The following MAPKAPK3 variants were observed in gnomAD, a reference collection of about 807,000 sequenced individuals.
MAPKAPK3 encodes MAP kinase-activated protein kinase 3.
MAPKAPK3 carries 35 observed loss-of-function variants against 49.2 expected under a neutral mutation model. The ratio of observed to expected loss-of-function variants is 0.71; its 90% CI spans 0.54 to 0.94. The LOEUF (loss-of-function observed/expected upper bound fraction) is 0.94. Among genes scored for constraint, MAPKAPK3 ranks in the 40% least tolerant of loss-of-function variants. The pLI is 0.00. For missense variants in MAPKAPK3, 398 were observed against 493.1 expected (o/e 0.81, Z 1.83); for synonymous variants, 178 against 188.7 (o/e 0.94, Z 0.46).
intron 2 of MAPKAPK3, 120 bp from the exon 3 acceptor site, chr3:50,640,246 G>A: frequency 2.1e-6 from 2 of 961,690 alleles, no homozygotes; most frequent in Non-Finnish European, 1.6e-6. Flanking sequence ...TTCTCATTCT[G>A]CTCCTTATAA....
At position 50,640,494 on chromosome 3, in the gene MAPKAPK3, C is replaced by G. The variant is rs1471567769; in HGVS notation, c.348C>G (p.Ile116Met). 1.2e-6 allele frequency: 2 copies of G among 1,611,726 alleles called. No homozygotes were observed. Among genetic ancestry groups the G allele is most frequent in the Admixed American group, 1.7e-5 (1 of 59,922 alleles). The change falls in exon 3 of 11, where the codon ATC becomes ATG. Residue 116 changes from isoleucine to methionine, a missense_variant. Ile to Met is a conservative substitution (Grantham distance 10). Around this residue, in one of 5 missense-constraint regions of MAPKAPK3, gnomAD observed 52 missense variants for 91.9 expected, o/e 0.57. Coordinates refer to ENST00000621469, the MANE Select transcript of MAPKAPK3 (RefSeq NM_001243925.2). ...ACCATGGCAAGCGCTGTCTCCTCAT[C>G]ATCATGGAATGGTATGCTGGCCTGC... ...NMHHGKRCLLIIMECMEGGEL... is the reference protein window; with the variant it reads ...NMHHGKRCLLMIMECMEGGEL...
upstream of MAPKAPK3, among the ~76,000 whole-genome samples, chr3:50,613,221 G>A (rs919110225): frequency 6.6e-6 from 1 of 152,110 alleles, no homozygotes; most frequent in Non-Finnish European, 1.5e-5. Context: ...TGGCCTTGTT[G>A]AAGGGCCTGA....
intron 4 of MAPKAPK3, 146 bp from the exon 5 acceptor site, chr3:50,642,107 C>T: frequency 1.5e-6 from 1 of 660,230 alleles, no homozygotes; most frequent in Non-Finnish European, 2.7e-6. Context: ...CGTAGACATC[C>T]CGGGATAGAG....
At chr3:50,611,760 C>A, upstream of MAPKAPK3, 1 of 1,364,182 alleles carries the variant, frequency 7.3e-7, no homozygotes, top group Non-Finnish European at 9.5e-7. Context: ...GGCGCGCGGG[C>A]GCAGGACAGG....
upstream of MAPKAPK3, among the ~76,000 whole-genome samples, chr3:50,613,576 A>G (rs546589756): frequency 6.6e-6 from 1 of 152,330 alleles, no homozygotes; most frequent in African/African-American, 2.4e-5. Context: ...TCTCATTACT[A>G]TGAAGACAAA....
intron 10 of MAPKAPK3, 112 bp downstream of exon 10, chr3:50,647,315 G>A: frequency 3.7e-6 from 3 of 803,904 alleles, no homozygotes; most frequent in Non-Finnish European, 6.2e-6. Flanking sequence ...TATACCTGGA[G>A]CACAGGGTGT....
intron 7 of MAPKAPK3, 124 bp from the exon 8 acceptor site, chr3:50,646,016 G>A (rs1268911033): frequency 1.5e-6 from 2 of 1,301,078 alleles, no homozygotes; most frequent in African/African-American, 2.9e-5. Context: ...TGGGAGTCCG[G>A]AGGGCTGGTA....
At chr3:50,627,836 G>A (rs755770968) in intron 2 of MAPKAPK3, among the ~76,000 whole-genome samples, 5 of 152,162 alleles carry the variant, frequency 3.3e-5, no homozygotes, top group Non-Finnish European at 7.4e-5. Context: ...GGGGCCAGGG[G>A]CCAAGGGAGA....
intron 2 of MAPKAPK3, among the ~76,000 whole-genome samples, chr3:50,630,527 G>T (rs1208725999): frequency 1.3e-5 from 2 of 152,258 alleles, no homozygotes; most frequent in Non-Finnish European, 1.5e-5. Context: ...TTGTTGAAGG[G>T]CAAGAGCTAA....
upstream of MAPKAPK3, among the ~76,000 whole-genome samples, chr3:50,613,258 T>A (rs1474725322): frequency 6.6e-6 from 1 of 152,170 alleles, no homozygotes; most frequent in Non-Finnish European, 1.5e-5. Flanking sequence ...AAGACAGGGC[T>A]CAGTTTGCTC....
Position 50,647,910 on chromosome 3 carries a change from C to T in MAPKAPK3, c.1013C>T (p.Ala338Val), listed in dbSNP as rs750526292. The T allele has an allele frequency of 6.2e-6, 10 of 1,613,392 alleles. No individual in the cohort carries two copies. Among genetic ancestry groups the T allele is most frequent in the Non-Finnish European group, 8.5e-6 (10 of 1,179,756 alleles). Reference protein sequence around the residue: ...WDEVKEEMTSALATMRVDYDQ... With the variant: ...WDEVKEEMTSVLATMRVDYDQ... ...TGTCCCCAGGAGGAGATGACCAGTG[C>T]CTTGGCCACTATGCGGGTAGACTAC... The change falls in exon 11 of 11, where the codon GCC becomes GTC. Residue 338 changes from alanine to valine, a missense_variant. This residue lies in a region of MAPKAPK3 where 152 missense variants were observed against 177.3 expected (regional missense o/e 0.86). Coordinates refer to ENST00000621469, the MANE Select transcript of MAPKAPK3 (RefSeq NM_001243925.2).
At chr3:50,635,921 A>C (rs1482510837) in intron 2 of MAPKAPK3, among the ~76,000 whole-genome samples, 1 of 36,246 alleles carries the variant, frequency 2.8e-5, no homozygotes, top group Non-Finnish European at 7.9e-5. Flanking sequence ...CGTCTCTACC[A>C]AAAAAAAAAA....
chr3:50,647,268 G>A, intron 10 of MAPKAPK3, 65 bp downstream of exon 10: 2 of 1,385,962 alleles, frequency 1.4e-6, no homozygotes, highest in Non-Finnish European at 2.0e-6. Flanking sequence ...ACTTCAGGGG[G>A]GTGGCTACCC....
intron 2 of MAPKAPK3, among the ~76,000 whole-genome samples, chr3:50,637,127 G>A (rs1335510445): frequency 6.6e-6 from 1 of 152,150 alleles, no homozygotes; most frequent in Non-Finnish European, 1.5e-5. Context: ...GCCCAGGCTG[G>A]AAGGCTCTCC....
chr3:50,617,793 G>A lies in MAPKAPK3; in HGVS notation c.219+9G>A, dbSNP rs2032510361. 6.2e-7 allele frequency: 1 copy of A among 1,610,328 alleles called. No individual in the cohort carries two copies. The highest frequency in any genetic ancestry group is 1.1e-5 in the South Asian group (1 of 90,998). On this transcript the variant is annotated intron_variant, in intron 2 of 10. Coordinates refer to ENST00000621469, the MANE Select transcript of MAPKAPK3 (RefSeq NM_001243925.2). The stretch of plus-strand genomic sequence containing the variant: ...AGAAGTGTGCCCTGAAGGTCAGTGA[G>A]CCCTCACTGAGGCCTGGGGTATCCT...
chr3:50,631,772 C>A (rs761193321), intron 2 of MAPKAPK3, among the ~76,000 whole-genome samples: 12 of 152,204 alleles, frequency 7.9e-5, no homozygotes, highest in Non-Finnish European at 1.6e-4. Context: ...TCACGGCCTG[C>A]CTCTGTAAGA....
chr3:50,644,387 A>G (rs770558091), intron 5 of MAPKAPK3, 22 bp from the exon 6 acceptor site: 11 of 1,613,704 alleles, frequency 6.8e-6, no homozygotes, highest in South Asian at 3.3e-5. Flanking sequence ...CTCCAAACCA[A>G]TGTTTTCTCT....
chr3:50,642,393 C>T (rs1045599807), intron 5 of MAPKAPK3, 61 bp downstream of exon 5: 1 of 1,268,702 alleles, frequency 7.9e-7, no homozygotes, highest in Non-Finnish European at 1.1e-6. Context: ...ACTCCACAAT[C>T]CCTGATGGCA....
chr3:50,643,803 G>T (rs998639041), intron 5 of MAPKAPK3, among the ~76,000 whole-genome samples: 16 of 151,894 alleles, frequency 1.1e-4, no homozygotes, highest in Admixed American at 7.2e-4. Context: ...CTGCTTGGGG[G>T]TCTCTTCTGC....
Sources: gnomAD v4.1 joint callset for allele counts (sites outside exome capture counted in the v4.1 genomes callset) on GRCh38, gnomAD v4.1.1 for gene constraint, gnomAD v4.1.1 regional missense constraint, MANE v1.5 for transcripts, NCBI Gene and HGNC (gene_info 2026-07-23, HGNC 2026-07-21) for gene names.